The following SMARCB1 variants were observed in gnomAD, a reference collection of about 807,000 sequenced individuals.
SMARCB1 encodes SWI/SNF-related matrix-associated actin-dependent regulator of chromatin subfamily B member 1.
A neutral mutation model predicts 49.0 loss-of-function variants in SMARCB1; 5 were observed. The ratio of observed to expected loss-of-function variants is 0.10; its 90% CI spans 0.05 to 0.21. SMARCB1 has a LOEUF of 0.21. SMARCB1 is among the 10% of genes least tolerant of loss of function. The probability of loss-of-function intolerance (pLI) is 1.00; values close to 1 mark genes in which losing one functional copy is unlikely to be tolerated. For synonymous variants in SMARCB1, 201 were observed against 200.1 expected, an observed-to-expected ratio of 1.00 and a Z score of -0.04; for missense variants, 226 against 509.2, an observed-to-expected ratio of 0.44 and a Z score of 5.35.
chr22:23,800,490 A>G (rs1295669451), intron 3 of SMARCB1, among the ~76,000 whole-genome samples: 1 of 152,106 alleles, frequency 6.6e-6, no homozygotes, highest in Non-Finnish European at 1.5e-5. Context: ...GGAGCATGTG[A>G]GACCTGTGAT....
intron 5 of SMARCB1, among the ~76,000 whole-genome samples, chr22:23,812,449 AGAG>A (rs1428906863): frequency 6.6e-6 from 1 of 152,218 alleles, no homozygotes; most frequent in Non-Finnish European, 1.5e-5. Context: ...AGAAAATGGA[AGAG>A]GAGAACGCAC....
At chr22:23,800,105 A>C (rs1929048795) in intron 3 of SMARCB1, among the ~76,000 whole-genome samples, 1 of 152,234 alleles carries the variant, frequency 6.6e-6, no homozygotes, top group African/African-American at 2.4e-5. Flanking sequence ...CTGGGATTAC[A>C]GGCGTGAGCC....
In SMARCB1 at chr22:23,829,387, G is replaced by C. The variant is rs5996619; in HGVS notation, c.986+3972G>C. 4.8e-3 allele frequency among the ~76,000 whole-genome samples: 735 copies of C among 152,294 alleles called. 6 individuals are homozygous for C. Among genetic ancestry groups the C allele is most frequent in the African/African-American group, 0.017 (703 of 41,528 alleles). On this transcript the variant is annotated intron_variant, in intron 7 of 8. Transcript: ENST00000644036. ...CAGGCAGGTGCTTGAGAAGGAAGGT[G>C]GGCCCTGTGGATCAGGCAGGGTATC...
intron 6 of SMARCB1, chr22:23,824,778 T>G: frequency 4.6e-6 from 1 of 217,970 alleles, no homozygotes; most frequent in Non-Finnish European, 9.4e-6. Flanking sequence ...CTAGGCAGGG[T>G]TTTCCGAGAG....
intron 3 of SMARCB1, among the ~76,000 whole-genome samples, chr22:23,796,594 C>T (rs1928762947): frequency 1.3e-5 from 2 of 152,192 alleles, no homozygotes; most frequent in Admixed American, 6.5e-5. Flanking sequence ...GTGTTACAGA[C>T]GTGTGCTTTG....
At chr22:23,798,229 C>G (rs1005050689) in intron 3 of SMARCB1, among the ~76,000 whole-genome samples, 1 of 152,136 alleles carries the variant, frequency 6.6e-6, no homozygotes, top group Non-Finnish European at 1.5e-5. Flanking sequence ...GGTGGGAAGT[C>G]ACTCCACCTG....
In SMARCB1 at chr22:23,835,848, C is replaced by T. The variant is rs373388180; in HGVS notation, c.*1668C>T. 5.1e-6 allele frequency: 5 copies of T among 983,012 alleles called. No individual in the cohort carries two copies. Among genetic ancestry groups the T allele is most frequent in the Non-Finnish European group, 6.0e-6 (5 of 829,094 alleles). 60.9% of individuals were successfully genotyped at this position (983,012 alleles called of 1,614,324 possible). On this transcript the variant is annotated 3_prime_UTR_variant, in exon 9 of 9. Coordinates refer to ENST00000644036, the MANE Select transcript of SMARCB1 (RefSeq NM_003073.5). ...GCAGGGCCACCTGGCTGGGAGGTGCCGGGAAGGCTGGGCCCTCACTCCTGA... is the reference window on the plus strand; with the variant it reads ...GCAGGGCCACCTGGCTGGGAGGTGCTGGGAAGGCTGGGCCCTCACTCCTGA...
chr22:23,827,201 T>C lies in SMARCB1; in HGVS notation c.986+1786T>C, dbSNP rs188931721. Among the ~76,000 whole-genome samples the C allele has an allele frequency of 4.0e-3, 606 of 152,226 alleles. 7 individuals are homozygous for C. Among genetic ancestry groups the C allele is most frequent in the African/African-American group, 0.014 (582 of 41,550 alleles). On this transcript the variant is annotated intron_variant, in intron 7 of 8. Coordinates refer to ENST00000644036, the MANE Select transcript of SMARCB1 (RefSeq NM_003073.5). ...TCACAGGTGCAGGTGGTAGGCTGGC[T>C]GCCCCCAGCATCCAGCCCCTACGGT...
chr22:23,809,054 C>A (rs900146638), intron 5 of SMARCB1, among the ~76,000 whole-genome samples: 5 of 150,844 alleles, frequency 3.3e-5, no homozygotes, highest in African/African-American at 1.2e-4. Context: ...AGGATGGTCT[C>A]GATCTCCTGA....
chr22:23,825,296 A>C lies in SMARCB1; in HGVS notation c.867A>C (p.Ser289=), dbSNP rs1401472509. 1.9e-6 allele frequency: 3 copies of C among 1,614,146 alleles called. No homozygotes were observed. The highest frequency in any genetic ancestry group is 1.7e-6 in the Non-Finnish European group (2 of 1,179,958). ...FEWDMSEKEN[S]PEKFALKLCS... ...GGGACATGTCAGAGAAGGAGAACTC[A>C]CCAGAGAAGTTTGCCCTGAAGCTGT... Residue 289 remains serine (S), a synonymous_variant, in exon 7 of 9, where the codon TCA becomes TCC. Transcript: ENST00000644036.
intron 5 of SMARCB1, among the ~76,000 whole-genome samples, chr22:23,807,307 A>G (rs1929553070): frequency 6.6e-6 from 1 of 152,144 alleles, no homozygotes; most frequent in African/African-American, 2.4e-5. Flanking sequence ...TGGGCTCTAA[A>G]AAAGTTAAAT....
chr22:23,814,567 A>G (rs1323424135), intron 5 of SMARCB1, among the ~76,000 whole-genome samples: 2 of 151,664 alleles, frequency 1.3e-5, no homozygotes, highest in Non-Finnish European at 2.9e-5. Context: ...CGGGCGGGTG[A>G]GGCAGGAGAA....
intron 7 of SMARCB1, among the ~76,000 whole-genome samples, chr22:23,829,854 C>T (rs543208281): frequency 2.3e-4 from 35 of 152,324 alleles, no homozygotes; most frequent in African/African-American, 8.2e-4. Context: ...GTCCACTCAT[C>T]CACTTTCTAT....
At chr22:23,825,593 G>A (rs1272047935) in intron 7 of SMARCB1, 178 bp downstream of exon 7, 7 of 612,850 alleles carry the variant, frequency 1.1e-5, no homozygotes, top group Admixed American at 2.9e-5. Flanking sequence ...CCAGGGCTCC[G>A]CTGTGCCAGG....
intron 5 of SMARCB1, among the ~76,000 whole-genome samples, chr22:23,805,688 G>A (rs545448646): frequency 1.3e-5 from 2 of 152,204 alleles, no homozygotes; most frequent in East Asian, 3.9e-4. Context: ...TATTTTTAGT[G>A]GAGACGGGAT....
At position 23,830,816 on chromosome 22, in the gene SMARCB1, C is replaced by T. The variant is rs373052171; in HGVS notation, c.987-2756C>T. On this transcript the variant is annotated intron_variant, in intron 7 of 8. Transcript: ENST00000644036. ...AGCTGGGACTACAGGCACCTGCCAC[C>T]ACACCCAGCTAATTTTTTGTTTTTA... Among the ~76,000 whole-genome samples the T allele has an allele frequency of 2.0e-5, 3 of 151,968 alleles. No individual in the cohort carries two copies. The South Asian group carries it at 6.2e-4, about 32-fold the overall frequency.
chr22:23,797,609 C>CTTTTTT lies in SMARCB1; in HGVS notation c.363-3314_363-3309dup, dbSNP rs71184910. ...ACAGACATGAGCCACTGCGCCTGGC[C>CTTTTTT]TTTTTTTTTTTTTTTTTTTTTTTTT... is the stretch of plus-strand genomic sequence containing the variant. On this transcript the variant is annotated intron_variant, in intron 3 of 8. Coordinates refer to ENST00000644036, the MANE Select transcript of SMARCB1 (RefSeq NM_003073.5). Among the ~76,000 whole-genome samples the CTTTTTT allele has an allele frequency of 2.2e-4, 8 of 36,292 alleles. 1 individual carries two copies. Among genetic ancestry groups the CTTTTTT allele is most frequent in the African/African-American group, 2.8e-4 (2 of 7,224 alleles). 23.8% of individuals were successfully genotyped at this position (36,292 alleles called of 152,430 possible). A position where few individuals can be genotyped will look rare whatever the true frequency, so the allele number is the denominator to read the frequency against.
intron 5 of SMARCB1, among the ~76,000 whole-genome samples, chr22:23,811,361 C>T (rs1416843730): frequency 1.3e-5 from 2 of 152,148 alleles, no homozygotes; most frequent in African/African-American, 4.8e-5. Context: ...ATCAGCAAAA[C>T]GATGTAAGAT....
intron 5 of SMARCB1, among the ~76,000 whole-genome samples, chr22:23,804,803 A>G (rs1929391583): frequency 6.6e-6 from 1 of 152,206 alleles, no homozygotes; most frequent in Non-Finnish European, 1.5e-5. Flanking sequence ...GGCCTCTCAC[A>G]CTGCTGGGAT....
Sources: allele counts gnomAD v4.1 joint callset (sites outside exome capture counted in the v4.1 genomes callset), GRCh38; gene constraint gnomAD v4.1.1; transcripts MANE v1.5; gene names NCBI Gene and HGNC (gene_info 2026-07-23, HGNC 2026-07-21).